The following PTPRM variants were observed in gnomAD, a reference collection of about 807,000 sequenced individuals.
PTPRM encodes the protein receptor-type tyrosine-protein phosphatase mu.
Under a neutral mutation model 186.7 loss-of-function variants are expected in PTPRM, and 47 were observed. The observed-to-expected ratio is 0.25, with a 90% CI of 0.20 to 0.32. The LOEUF (loss-of-function observed/expected upper bound fraction) is 0.32. PTPRM is among the 10% of genes least tolerant of loss of function. PTPRM has a pLI of 1.00. For missense variants in PTPRM, 1,494 were observed against 1,865.0 expected (o/e 0.80, Z 3.66); for synonymous variants, 668 against 674.9 (o/e 0.99, Z 0.16).
At chr18:8,187,509 C>T (rs1021847221) in intron 14 of PTPRM, among the ~76,000 whole-genome samples, 9 of 152,228 alleles carry the variant, frequency 5.9e-5, no homozygotes, top group South Asian at 2.1e-4. Context: ...TCTTAAGTAG[C>T]GTAGAAACCT....
rs529999513 is a variant in PTPRM at position 7,822,117 on chromosome 18, A to T, written c.196+47846A>T. Among the ~76,000 whole-genome samples the T allele has an allele frequency of 5.3e-5, 8 of 152,266 alleles. No homozygotes were observed. The East Asian group carries it at 1.5e-3, about 29-fold the overall frequency. ...TATTATTTTACATTTATATTTATTG[A>T]CATCACCTTGCCCCTGATGTGTACT... On this transcript the variant is annotated intron_variant, in intron 2 of 32. Transcript: ENST00000580170.
chr18:7,568,558 C>T lies in PTPRM; in HGVS notation c.73+667C>T, dbSNP rs2036491130. On this transcript the variant is annotated intron_variant, in intron 1 of 32. Coordinates refer to ENST00000580170, the MANE Select transcript of PTPRM (RefSeq NM_001105244.2). The surrounding 1 kb of genome is among the most constrained non-coding windows in gnomAD (Gnocchi z 5.1). The stretch of plus-strand genomic sequence containing the variant: ...GAGGGAAGCGGGCAGGTCCCCAGGC[C>T]CTGGCCACGGCCCTGCGCCCCGCTG... Among the ~76,000 whole-genome samples the T allele has an allele frequency of 6.6e-6, 1 of 152,154 alleles. No homozygotes were observed. Among genetic ancestry groups the T allele is most frequent in the African/African-American group, 2.4e-5 (1 of 41,452 alleles).
intron 24 of PTPRM, among the ~76,000 whole-genome samples, chr18:8,374,179 A>G (rs1207166013): frequency 6.6e-6 from 1 of 152,196 alleles, no homozygotes. Context: ...AATGTTTTCT[A>G]CTTTCCAGAA....
chr18:7,574,262 C>G (rs1409212318), intron 1 of PTPRM, among the ~76,000 whole-genome samples: 1 of 152,134 alleles, frequency 6.6e-6, no homozygotes, highest in African/African-American at 2.4e-5. Flanking sequence ...CTAAATCCAG[C>G]CAGTTGTAAA....
intron 14 of PTPRM, among the ~76,000 whole-genome samples, chr18:8,198,451 A>T (rs1021500945): frequency 6.6e-6 from 1 of 152,142 alleles, no homozygotes; most frequent in Admixed American, 6.5e-5. Context: ...ACCCGGCCAA[A>T]ATTTTGCCGC....
chr18:8,254,536 G>C (rs1288477122), intron 19 of PTPRM, among the ~76,000 whole-genome samples: 1 of 152,168 alleles, frequency 6.6e-6, no homozygotes, highest in African/African-American at 2.4e-5. Context: ...TTAAACCTTA[G>C]AATGTGGTTC....
chr18:8,122,312 A>G (rs1447322504), intron 13 of PTPRM: 1 of 152,594 alleles, frequency 6.6e-6, no homozygotes, highest in Non-Finnish European at 1.5e-5. Flanking sequence ...ACGGCCAACT[A>G]ACAGGTCAGA....
chr18:8,020,220 C>G (rs1016569544), intron 7 of PTPRM, among the ~76,000 whole-genome samples: 1 of 152,030 alleles, frequency 6.6e-6, no homozygotes, highest in Non-Finnish European at 1.5e-5. Context: ...ATCTTTTTTT[C>G]GTGCGTGTGG....
chr18:8,038,295 G>A (rs1318152251), intron 7 of PTPRM, among the ~76,000 whole-genome samples: 1 of 151,898 alleles, frequency 6.6e-6, no homozygotes, highest in Non-Finnish European at 1.5e-5. Flanking sequence ...CAGTTGAGAG[G>A]GTAGGAGGAA....
chr18:8,073,559 T>C (rs552727500), intron 8 of PTPRM, among the ~76,000 whole-genome samples: 5 of 152,232 alleles, frequency 3.3e-5, no homozygotes, highest in Non-Finnish European at 7.3e-5. Flanking sequence ...TTCTTCAACA[T>C]AGGACTAACA....
chr18:7,652,312 A>C (rs538671197), intron 1 of PTPRM, among the ~76,000 whole-genome samples: 31 of 152,260 alleles, frequency 2.0e-4, no homozygotes, highest in East Asian at 1.9e-3. Flanking sequence ...GTGGGACTGT[A>C]AACTAGTTCA....
intron 1 of PTPRM, among the ~76,000 whole-genome samples, chr18:7,639,648 T>A (rs915795378): frequency 7.2e-5 from 11 of 152,170 alleles, no homozygotes; most frequent in Admixed American, 2.0e-4. Flanking sequence ...CGCCTTGGCC[T>A]CCCAAAGTGC....
At chr18:7,866,119 T>C (rs564794081) in intron 2 of PTPRM, among the ~76,000 whole-genome samples, 1 of 152,274 alleles carries the variant, frequency 6.6e-6, no homozygotes, top group African/African-American at 2.4e-5. Flanking sequence ...GTTTTGATGA[T>C]CTTTTCAAAA....
intron 1 of PTPRM, among the ~76,000 whole-genome samples, chr18:7,719,774 A>G (rs1042850677): frequency 6.6e-6 from 1 of 152,262 alleles, no homozygotes; most frequent in Admixed American, 6.5e-5. Flanking sequence ...GGAAAAATAG[A>G]GGCTTAAGAA....
At position 8,376,229 on chromosome 18, in the gene PTPRM, G is replaced by A. The variant is rs528219627; in HGVS notation, c.3326+29G>A. The A allele has an allele frequency of 5.0e-6, 8 of 1,601,938 alleles. No homozygotes were observed. In the South Asian group the frequency reaches 8.8e-5, roughly 18 times the overall value. ...AGCAGAGCTCCAGAGCCTCTTGAAG[G>A]AAACGCAGTGGGTGATGGGTGCAGG... On this transcript the variant is annotated intron_variant, in intron 25 of 32. Coordinates refer to ENST00000580170, the MANE Select transcript of PTPRM (RefSeq NM_001105244.2).
chr18:7,980,464 G>A (rs552881773), intron 7 of PTPRM, among the ~76,000 whole-genome samples: 1 of 151,966 alleles, frequency 6.6e-6, no homozygotes, highest in African/African-American at 2.4e-5. Flanking sequence ...AGCTCACTGC[G>A]CCTCAACCTC....
chr18:8,099,177 C>T (rs561838989), intron 11 of PTPRM, among the ~76,000 whole-genome samples: 1 of 152,034 alleles, frequency 6.6e-6, no homozygotes, highest in African/African-American at 2.4e-5. Flanking sequence ...CTCTTTCTCT[C>T]ACTTATTTCC....
At chr18:7,573,047 C>A (rs1051576447) in intron 1 of PTPRM, among the ~76,000 whole-genome samples, 2 of 152,184 alleles carry the variant, frequency 1.3e-5, no homozygotes, top group African/African-American at 2.4e-5. Context: ...AGTCACCAAG[C>A]TTCCTAGTCT....
intron 14 of PTPRM, among the ~76,000 whole-genome samples, chr18:8,206,637 A>T (rs1266559437): frequency 1.3e-5 from 2 of 152,248 alleles, no homozygotes; most frequent in Admixed American, 1.3e-4. Flanking sequence ...GGCAAAGGAC[A>T]TGAACCATCA....
Sources: allele counts gnomAD v4.1 joint callset (sites outside exome capture counted in the v4.1 genomes callset), GRCh38; gene constraint gnomAD v4.1.1; non-coding constraint Gnocchi (gnomAD v3.1); transcripts MANE v1.5; gene names NCBI Gene and HGNC (gene_info 2026-07-23, HGNC 2026-07-21).